The following TMEM41B variants were observed in gnomAD, a reference collection of about 807,000 sequenced individuals.
TMEM41B encodes the protein protein stasimon.
A neutral mutation model predicts 31.9 loss-of-function variants in TMEM41B; 18 were observed. The ratio of observed to expected loss-of-function variants is 0.56; its 90% CI spans 0.39 to 0.84. The LOEUF (loss-of-function observed/expected upper bound fraction) is 0.84. Ranked by LOEUF, TMEM41B falls within the 40% of genes least tolerant of loss-of-function variation. The pLI is 0.00. For synonymous variants in TMEM41B, 144 were observed against 124.3 expected (o/e 1.16, Z -1.05); for missense variants, 322 against 348.0 (o/e 0.93, Z 0.59).
At chr11:9,297,622 TG>T (rs1853130529) in intron 2 of TMEM41B, among the ~76,000 whole-genome samples, 1 of 151,426 alleles carries the variant, frequency 6.6e-6, no homozygotes, top group African/African-American at 2.4e-5. Context: ...AACTGGGAGG[TG>T]GGGGCTGCAG....
chr11:9,297,727 G>A (rs557756248), intron 2 of TMEM41B, among the ~76,000 whole-genome samples: 2 of 151,652 alleles, frequency 1.3e-5, no homozygotes, highest in Non-Finnish European at 2.9e-5. Context: ...ATACAGATGG[G>A]GTCTCGCTAT....
Position 9,283,577 on chromosome 11 carries a change from A to G in TMEM41B, c.723T>C (p.Ser241=). The G allele has an allele frequency of 6.2e-7, 1 of 1,605,080 alleles. No individual in the cohort carries two copies. The highest frequency in any genetic ancestry group is 1.1e-5 in the South Asian group (1 of 87,824). ...IGTFLGVAPP[S]FVAIKAGTTL... ...TTGTTCCTGCCTTAATGGCTACAAA[A>G]GAAGGAGGTGCGACACCTGAAATAA... The change falls in exon 7 of 7, where the codon TCT becomes TCC. Residue 241 remains serine, a synonymous_variant. Coordinates refer to ENST00000528080, the MANE Select transcript of TMEM41B (RefSeq NM_015012.4).
intron 1 of TMEM41B, chr11:9,311,198 TCCC>T: frequency 7.1e-7 from 1 of 1,410,816 alleles, no homozygotes; most frequent in Non-Finnish European, 9.5e-7. Context: ...AGGGCTACTT[TCCC>T]CCAATACAAC....
At chr11:9,288,902 T>C (rs938020462) in intron 3 of TMEM41B, among the ~76,000 whole-genome samples, 2 of 152,110 alleles carry the variant, frequency 1.3e-5, no homozygotes, top group Non-Finnish European at 2.9e-5. Context: ...AATTTAACTA[T>C]GAAGGTTTAC....
At position 9,283,588 on chromosome 11, in the gene TMEM41B, C is replaced by T. The variant is rs771178606; in HGVS notation, c.712G>A (p.Ala238Thr). The change falls in exon 7 of 7, where the codon GCA (alanine) becomes ACA (threonine). Residue 238 changes from alanine (A) to threonine (T), a missense_variant. Around this residue, in one of 3 missense-constraint regions of TMEM41B, gnomAD observed 92 missense variants for 88.0 expected, o/e 1.05. Coordinates refer to ENST00000528080, the MANE Select transcript of TMEM41B (RefSeq NM_015012.4). ...TTAATGGCTACAAAAGAAGGAGGTGCGACACCTGAAATAAAATATAAAAAG... is the reference window on the plus strand; with the variant it reads ...TTAATGGCTACAAAAGAAGGAGGTGTGACACCTGAAATAAAATATAAAAAG... ...VFFIGTFLGV[A>T]PPSFVAIKAG... The T allele has an allele frequency of 2.5e-6, 4 of 1,596,514 alleles. No homozygotes were observed. The highest frequency in any genetic ancestry group is 1.8e-5 in the Admixed American group (1 of 54,998).
At chr11:9,309,455 T>G (rs1182219868) in intron 1 of TMEM41B, among the ~76,000 whole-genome samples, 1 of 146,780 alleles carries the variant, frequency 6.8e-6, no homozygotes, top group Non-Finnish European at 1.5e-5. Flanking sequence ...CAAACCATAC[T>G]AATGCTTTGG....
At chr11:9,314,175 A>G (rs1853630328) in intron 1 of TMEM41B, 146 bp downstream of exon 1, 1 of 1,087,354 alleles carries the variant, frequency 9.2e-7, no homozygotes, top group South Asian at 1.7e-5. Context: ...CCCAAGCCCA[A>G]CTCCCCCACG....
chr11:9,288,622 CA>C, intron 3 of TMEM41B, 87 bp from the exon 4 acceptor site: 1 of 933,634 alleles, frequency 1.1e-6, no homozygotes, highest in Non-Finnish European at 1.6e-6. Flanking sequence ...AGTATAAATA[CA>C]AAAATTATCA....
At chr11:9,311,768 C>A (rs1485042338) in intron 1 of TMEM41B, 1 of 608,622 alleles carries the variant, frequency 1.6e-6, no homozygotes, top group Non-Finnish European at 3.0e-6. Context: ...AGTTTCACCT[C>A]CTGTCTGCTC....
chr11:9,290,885 G>A (rs1215214260), intron 3 of TMEM41B, among the ~76,000 whole-genome samples: 1 of 152,180 alleles, frequency 6.6e-6, no homozygotes, highest in African/African-American at 2.4e-5. Flanking sequence ...TTAGGCAGCT[G>A]AGGGTGGATC....
intron 1 of TMEM41B, 76 bp downstream of exon 1, chr11:9,314,245 T>C (rs1016312047): frequency 1.1e-5 from 16 of 1,474,944 alleles, no homozygotes; most frequent in Admixed American, 2.2e-5. Context: ...TCTCCGAGAA[T>C]AGCGGGGGTC....
intron 2 of TMEM41B, among the ~76,000 whole-genome samples, chr11:9,297,321 G>A (rs960126995): frequency 6.6e-5 from 10 of 152,240 alleles, no homozygotes; most frequent in South Asian, 4.1e-4. Context: ...CTGACCTCAC[G>A]TGATCCGCCC....
rs1853637578 is a variant in TMEM41B at position 9,314,336 on chromosome 11, T to G, written c.106A>C (p.Arg36=). Residue 36 remains arginine, a synonymous_variant, in exon 1 of 7, where the codon AGA becomes CGA. Transcript: ENST00000528080. The stretch of plus-strand genomic sequence containing the variant: ...GCCCACTCACCCTTCTGGTGGTCTC[T>G]GCTGCCAGGCGCCGCGAGACCCCGC... The part of the protein sequence containing the change: ...GTRGLAAPGS[R]DHQKEKSWVE... 1.3e-6 allele frequency: 2 copies of G among 1,597,774 alleles called. No individual in the cohort carries two copies. The highest frequency in any genetic ancestry group is 1.1e-5 in the South Asian group (1 of 89,048).
chr11:9,290,800 A>C (rs1212009095), intron 3 of TMEM41B, among the ~76,000 whole-genome samples: 1 of 152,180 alleles, frequency 6.6e-6, no homozygotes, highest in Admixed American at 6.6e-5. Context: ...CAAAGTAGAG[A>C]AACTAGTGTT....
intron 2 of TMEM41B, among the ~76,000 whole-genome samples, chr11:9,297,225 C>A (rs1187757372): frequency 3.7e-4 from 57 of 152,174 alleles, no homozygotes; most frequent in Admixed American, 3.7e-3. Context: ...GCTGGGACTA[C>A]GGGCGCCCGC....
rs74653079 is a variant in TMEM41B, at chr11:9,284,149, C to T, written c.707-556G>A. 4.5e-3 allele frequency among the ~76,000 whole-genome samples: 684 copies of T among 151,884 alleles called. 8 individuals are homozygous for T. Among genetic ancestry groups the T allele is most frequent in the Non-Finnish European group, 7.9e-3 (537 of 67,906 alleles). Reference sequence around the variant, plus strand: ...AATAGTTTTACATTTATCAAAAATGCTTTTGTTTTCTCCCCCCGAGAGTTT... The same window carrying T: ...AATAGTTTTACATTTATCAAAAATGTTTTTGTTTTCTCCCCCCGAGAGTTT... On this transcript the variant is annotated intron_variant, in intron 6 of 6. Coordinates refer to ENST00000528080, the MANE Select transcript of TMEM41B (RefSeq NM_015012.4).
At chr11:9,295,679 C>A (rs1396331500) in intron 2 of TMEM41B, among the ~76,000 whole-genome samples, 1 of 151,950 alleles carries the variant, frequency 6.6e-6, no homozygotes, top group Non-Finnish European at 1.5e-5. Context: ...GGATCACAGG[C>A]GTGCACCACC....
intron 1 of TMEM41B, among the ~76,000 whole-genome samples, chr11:9,310,619 A>G (rs1227132938): frequency 6.7e-6 from 1 of 149,774 alleles, no homozygotes; most frequent in East Asian, 2.0e-4. Context: ...TATGTACTCT[A>G]GTCCAGTCAC....
At chr11:9,288,370 G>GT in intron 4 of TMEM41B, 72 bp downstream of exon 4, 1 of 1,077,744 alleles carries the variant, frequency 9.3e-7, no homozygotes, top group Non-Finnish European at 1.3e-6. Flanking sequence ...GACTAGTAGG[G>GT]TTAAAGTATC....
Sources: allele counts gnomAD v4.1 joint callset (sites outside exome capture counted in the v4.1 genomes callset), GRCh38; gene constraint gnomAD v4.1.1; regional missense constraint gnomAD v4.1.1; transcripts MANE v1.5; gene names NCBI Gene and HGNC (gene_info 2026-07-23, HGNC 2026-07-21).